Variants in KCNMA1 observed in about 807,000 individuals in gnomAD.
KCNMA1 encodes the protein Calcium-activated potassium channel subunit alpha-1.
Under a neutral mutation model 140.0 loss-of-function variants are expected in KCNMA1, and 29 were observed. The observed-to-expected ratio is 0.21, with a 90% CI of 0.15 to 0.28. The LOEUF (loss-of-function observed/expected upper bound fraction) is 0.28. Ranked by LOEUF, KCNMA1 falls within the 10% of genes least tolerant of loss-of-function variation. The probability of loss-of-function intolerance (pLI) is 1.00; values close to 1 mark genes in which losing one functional copy is unlikely to be tolerated. For missense variants in KCNMA1, 880 were observed against 1,602.2 expected (o/e 0.55, Z 7.70); for synonymous variants, 612 against 611.9 (o/e 1.00, Z 0.00).
At chr10:76,940,311 A>G (rs2061625860) in intron 23 of KCNMA1, among the ~76,000 whole-genome samples, 1 of 152,222 alleles carries the variant, frequency 6.6e-6, no homozygotes, top group South Asian at 2.1e-4. Flanking sequence ...AGTGACATCA[A>G]AAGGGAGTGT....
intron 14 of KCNMA1, among the ~76,000 whole-genome samples, chr10:77,056,961 G>A (rs1021518721): frequency 7.9e-5 from 12 of 151,984 alleles, no homozygotes; most frequent in Admixed American, 1.3e-4. Context: ...TTGCATCATA[G>A]GAATCCTAGA....
chr10:77,482,837 A>G (rs2098413659), intron 1 of KCNMA1, among the ~76,000 whole-genome samples: 1 of 152,032 alleles, frequency 6.6e-6, no homozygotes, highest in Admixed American at 6.6e-5. Flanking sequence ...CCCAAATGTC[A>G]TGCAGCATGA....
intron 13 of KCNMA1, among the ~76,000 whole-genome samples, chr10:77,074,264 A>G (rs1396117822): frequency 6.6e-6 from 1 of 152,258 alleles, no homozygotes; most frequent in Non-Finnish European, 1.5e-5. Context: ...ATGTGACATT[A>G]CAGAGAAAGC....
chr10:76,887,151 G>GT lies in KCNMA1; in HGVS notation c.*114dup, dbSNP rs2037423173. On this transcript the variant is annotated 3_prime_UTR_variant, in exon 28 of 28. Coordinates refer to ENST00000286628, the MANE Select transcript of KCNMA1 (RefSeq NM_001161352.2). ...CACTATCATACATATGCAAATATGT[G>GT]TAAAAAAAAAGGGGGGGACTACAGG... 3 of 1,606,598 alleles carry GT rather than the reference G, an allele frequency of 1.9e-6. No homozygotes were observed. The highest frequency in any genetic ancestry group is 2.5e-6 in the Non-Finnish European group (3 of 1,178,446).
chr10:77,389,243 T>C lies in KCNMA1; in HGVS notation c.540+14619A>G, dbSNP rs1694510713. Reference sequence around the variant, plus strand: ...ATTTGGGGGCTAGCTTGGCAGCTCCTGCCACCCCCCTGAGTCTGCTACCTT... The same window carrying C: ...ATTTGGGGGCTAGCTTGGCAGCTCCCGCCACCCCCCTGAGTCTGCTACCTT... On this transcript the variant is annotated intron_variant, in intron 2 of 27. Transcript: ENST00000286628. Among the ~76,000 whole-genome samples the C allele has an allele frequency of 2.0e-5, 3 of 152,206 alleles. No individual in the cohort carries two copies. In the South Asian group the frequency reaches 6.2e-4, roughly 32 times the overall value.
intron 19 of KCNMA1, among the ~76,000 whole-genome samples, chr10:76,992,763 T>C (rs185048003): frequency 1.3e-5 from 2 of 152,344 alleles, no homozygotes; most frequent in Admixed American, 1.3e-4. Flanking sequence ...AAAGGTCTTA[T>C]GCACAAAGCA....
intron 5 of KCNMA1, among the ~76,000 whole-genome samples, chr10:77,159,297 C>A (rs1298822956): frequency 6.6e-6 from 1 of 152,182 alleles, no homozygotes; most frequent in Non-Finnish European, 1.5e-5. Context: ...CAAGTAACAT[C>A]ATCCGCTCCT....
At chr10:77,545,906 G>T (rs2061368034) in intron 1 of KCNMA1, among the ~76,000 whole-genome samples, 1 of 152,100 alleles carries the variant, frequency 6.6e-6, no homozygotes, top group Non-Finnish European at 1.5e-5. Flanking sequence ...AATCCCCCCT[G>T]CAGTGTCCTT....
At chr10:76,977,213 A>G (rs1182761139) in intron 19 of KCNMA1, among the ~76,000 whole-genome samples, 1 of 152,144 alleles carries the variant, frequency 6.6e-6, no homozygotes, top group Non-Finnish European at 1.5e-5. Context: ...AACCTGCCAC[A>G]TCCTGGGCAC....
intron 1 of KCNMA1, among the ~76,000 whole-genome samples, chr10:77,604,887 C>T (rs762332193): frequency 2.0e-5 from 3 of 152,186 alleles, no homozygotes; most frequent in Non-Finnish European, 2.9e-5. Context: ...CTCCACCCTC[C>T]CCCACCCCTT....
At chr10:76,897,183 A>C (rs1320373820) in intron 25 of KCNMA1, among the ~76,000 whole-genome samples, 1 of 152,046 alleles carries the variant, frequency 6.6e-6, no homozygotes, top group Non-Finnish European at 1.5e-5. Flanking sequence ...ATAAACAGTA[A>C]GTATTTACAA....
intron 23 of KCNMA1, chr10:76,939,314 G>T (rs957880647): frequency 1.3e-5 from 2 of 152,118 alleles, no homozygotes; most frequent in African/African-American, 4.8e-5. Context: ...TACAGACGGG[G>T]TTTCACTGTG....
intron 1 of KCNMA1, among the ~76,000 whole-genome samples, chr10:77,569,266 C>G (rs912382809): frequency 1.1e-5 from 1 of 87,462 alleles, no homozygotes; most frequent in Non-Finnish European, 2.3e-5. Context: ...AAAAAAGAGC[C>G]CGCATTGCCA....
chr10:76,941,018 G>GAAGGAAGGAAGGAAGAAAGA (rs1554960623), intron 23 of KCNMA1, among the ~76,000 whole-genome samples: 54 of 38,244 alleles, frequency 1.4e-3, no homozygotes, highest in Middle Eastern at 0.01. Flanking sequence ...AGGAAGGAAG[G>GAAGGAAGGAAGGAAGAAAGA]AAGAAAGAAA....
intron 1 of KCNMA1, among the ~76,000 whole-genome samples, chr10:77,453,605 A>G (rs1167840105): frequency 6.6e-5 from 10 of 152,126 alleles, no homozygotes; most frequent in Non-Finnish European, 1.3e-4. Context: ...TCACAGCAGA[A>G]AGAAGGAGGA....
At chr10:77,213,461 A>C (rs770334007) in intron 3 of KCNMA1, among the ~76,000 whole-genome samples, 12 of 152,228 alleles carry the variant, frequency 7.9e-5, no homozygotes, top group Non-Finnish European at 1.2e-4. Flanking sequence ...GAGCAGCAAG[A>C]GATGGACTCA....
At chr10:77,368,719 T>C (rs2094507871) in intron 2 of KCNMA1, among the ~76,000 whole-genome samples, 1 of 152,244 alleles carries the variant, frequency 6.6e-6, no homozygotes, top group African/African-American at 2.4e-5. Flanking sequence ...ACATGAAGTT[T>C]AGGTTGAGCT....
chr10:77,444,355 A>G (rs1251065889), intron 1 of KCNMA1, among the ~76,000 whole-genome samples: 1 of 152,226 alleles, frequency 6.6e-6, no homozygotes, highest in Non-Finnish European at 1.5e-5. Context: ...TAAATTCTCC[A>G]AGGATGAAGA....
chr10:77,499,681 C>CA (rs1455791434), intron 1 of KCNMA1, among the ~76,000 whole-genome samples: 1 of 152,112 alleles, frequency 6.6e-6, no homozygotes, highest in Non-Finnish European at 1.5e-5. Flanking sequence ...GAAGATTAAA[C>CA]AGGTGTTAAA....
Sources: allele counts gnomAD v4.1 joint callset (sites outside exome capture counted in the v4.1 genomes callset), GRCh38; gene constraint gnomAD v4.1.1; transcripts MANE v1.5; gene names NCBI Gene and HGNC (gene_info 2026-07-23, HGNC 2026-07-21).